The following ASCC3 variants were observed in gnomAD, a reference collection of about 807,000 sequenced individuals.
ASCC3 encodes ASC-1 complex subunit P200.
ASCC3 carries 158 observed loss-of-function variants against 256.3 expected under a neutral mutation model. The observed-to-expected ratio is 0.62, with a 90% CI of 0.54 to 0.70. The LOEUF (loss-of-function observed/expected upper bound fraction) is 0.70. Ranked by LOEUF, ASCC3 falls within the 30% of genes least tolerant of loss-of-function variation. The pLI is 0.00. For synonymous variants in ASCC3, 948 were observed against 883.4 expected (o/e 1.07, Z -1.30); for missense variants, 2,259 against 2,626.0 (o/e 0.86, Z 3.05).
chr6:100,558,299 G>A (rs1160517832), intron 36 of ASCC3, among the ~76,000 whole-genome samples: 1 of 152,052 alleles, frequency 6.6e-6, no homozygotes, highest in East Asian at 1.9e-4. Context: ...AACCCAAAGT[G>A]AAAAGCATTG....
At chr6:100,630,729 T>C (rs945645497) in intron 26 of ASCC3, among the ~76,000 whole-genome samples, 18 of 152,088 alleles carry the variant, frequency 1.2e-4, no homozygotes, top group Admixed American at 7.2e-4. Flanking sequence ...AAAGAACTTC[T>C]GCTTTTTTAC....
At chr6:100,530,761 T>C (rs1774830169) in intron 37 of ASCC3, 1 of 997,964 alleles carries the variant, frequency 1.0e-6, no homozygotes, top group East Asian at 2.4e-5. Flanking sequence ...CAGTTTACTT[T>C]TAATTTTGCA....
chr6:100,662,289 G>C, intron 15 of ASCC3, 56 bp downstream of exon 15: 5 of 1,553,188 alleles, frequency 3.2e-6, no homozygotes, highest in Non-Finnish European at 4.4e-6. Flanking sequence ...AGTCAACCCA[G>C]AGCCTTGCTT....
chr6:100,637,749 AG>A (rs1774915314), intron 25 of ASCC3, among the ~76,000 whole-genome samples: 2 of 152,158 alleles, frequency 1.3e-5, no homozygotes, highest in African/African-American at 4.8e-5. Flanking sequence ...CAATAGGGAA[AG>A]GCACTGCAGA....
intron 4 of ASCC3, among the ~76,000 whole-genome samples, chr6:100,838,191 G>C (rs1429011496): frequency 6.6e-6 from 1 of 151,980 alleles, no homozygotes; most frequent in Non-Finnish European, 1.5e-5. Flanking sequence ...CTTTCTTTGA[G>C]ATATGATGCA....
intron 10 of ASCC3, among the ~76,000 whole-genome samples, chr6:100,758,717 T>C (rs1781300087): frequency 6.6e-6 from 1 of 152,226 alleles, no homozygotes; most frequent in Non-Finnish European, 1.5e-5. Flanking sequence ...TGTGTCTTTA[T>C]AGTAGAATGA....
In ASCC3 at chr6:100,848,224, G is replaced by C; in HGVS notation, c.725C>G (p.Pro242Arg). The C allele has an allele frequency of 6.2e-7, 1 of 1,613,792 alleles. No individual in the cohort carries two copies. The highest frequency in any genetic ancestry group is 1.1e-5 in the South Asian group (1 of 91,004). Residue 242 changes from proline to arginine, a missense_variant, in exon 4 of 42, where the codon CCA becomes CGA. Coordinates refer to ENST00000369162, the MANE Select transcript of ASCC3 (RefSeq NM_006828.4). ...AGTACAGCAAAGATCTTCTACTCTT[G>C]GCACTTCAGTCATTTCCTTCAAAGT... ...NSTLKEMTEV[P>R]RVEDLCCTLY...
At chr6:100,710,040 C>T (rs6904959) in intron 13 of ASCC3, among the ~76,000 whole-genome samples, 69,090 of 151,862 alleles carry the variant, frequency 0.45, 15,931 homozygotes, top group South Asian at 0.61. Context: ...TCTTAGGGCA[C>T]GCATCTTAAA....
chr6:100,669,413 C>T (rs922640601), intron 14 of ASCC3, among the ~76,000 whole-genome samples: 1 of 150,618 alleles, frequency 6.6e-6, no homozygotes, highest in East Asian at 1.9e-4. Flanking sequence ...AAGAGATAGC[C>T]AGGATCCATA....
intron 13 of ASCC3, among the ~76,000 whole-genome samples, chr6:100,694,755 G>A (rs1220539400): frequency 1.3e-5 from 2 of 152,090 alleles, no homozygotes; most frequent in South Asian, 2.1e-4. Flanking sequence ...GATGTCCACA[G>A]AGTAAATTAT....
intron 8 of ASCC3, among the ~76,000 whole-genome samples, chr6:100,795,546 T>C (rs959081346): frequency 5.3e-5 from 8 of 152,090 alleles, no homozygotes; most frequent in Admixed American, 4.6e-4. Context: ...TGACTTAGAT[T>C]TCTAAGAGTT....
In ASCC3 at chr6:100,608,117, T is replaced by TATATATA. The variant is rs1562161146; in HGVS notation, c.4786-1030_4786-1029insTATATAT. ...ATATACACATATATATGTATATATA[T>TATATATA]CTATATATACATATATATGTATATA... On this transcript the variant is annotated intron_variant, in intron 30 of 41. Transcript: ENST00000369162. Among the ~76,000 whole-genome samples, 88 of 47,880 alleles carry TATATATA rather than the reference T, an allele frequency of 1.8e-3. 2 individuals are homozygous for TATATATA. The highest frequency in any genetic ancestry group is 6.3e-3 in the African/African-American group (87 of 13,830). 31.4% of individuals were successfully genotyped at this position (47,880 alleles called of 152,430 possible). A position where few individuals can be genotyped will look rare whatever the true frequency, so the allele number is the denominator to read the frequency against.
At chr6:100,865,168 T>A (rs1773418693) in intron 2 of ASCC3, among the ~76,000 whole-genome samples, 2 of 152,186 alleles carry the variant, frequency 1.3e-5, no homozygotes, top group Non-Finnish European at 2.9e-5. Flanking sequence ...ATGAATTAAG[T>A]TGTTACAATG....
chr6:100,582,248 G>A (rs9377058), intron 36 of ASCC3, among the ~76,000 whole-genome samples: 2 of 151,386 alleles, frequency 1.3e-5, no homozygotes, highest in Non-Finnish European at 1.5e-5. Flanking sequence ...TGTTTGTATC[G>A]TCTTTTATTT....
At chr6:100,547,329 G>C (rs1343200977) in intron 36 of ASCC3, among the ~76,000 whole-genome samples, 2 of 151,732 alleles carry the variant, frequency 1.3e-5, no homozygotes, top group African/African-American at 4.8e-5. Context: ...TTTATTTGAT[G>C]GGACAGTTAA....
intron 8 of ASCC3, among the ~76,000 whole-genome samples, chr6:100,771,966 G>A (rs952965719): frequency 7.5e-5 from 10 of 133,870 alleles, no homozygotes; most frequent in Non-Finnish European, 1.4e-4. Flanking sequence ...TGCAAGCTCT[G>A]CCTCCCAGGT....
chr6:100,743,202 C>G (rs1430041237), intron 10 of ASCC3, among the ~76,000 whole-genome samples: 1 of 152,158 alleles, frequency 6.6e-6, no homozygotes. Flanking sequence ...TGGCTCTGTG[C>G]CACTCTTGGG....
intron 10 of ASCC3, among the ~76,000 whole-genome samples, chr6:100,754,630 T>C (rs1326650043): frequency 1.3e-5 from 2 of 152,266 alleles, no homozygotes; most frequent in Non-Finnish European, 2.9e-5. Flanking sequence ...CTAGTAACTA[T>C]TGTACTACTC....
chr6:100,539,247 T>A (rs1775320105), intron 37 of ASCC3, among the ~76,000 whole-genome samples: 1 of 152,212 alleles, frequency 6.6e-6, no homozygotes, highest in African/African-American at 2.4e-5. Context: ...ATATTGCAAC[T>A]AATCTTCAAG....
Sources: allele counts gnomAD v4.1 joint callset (sites outside exome capture counted in the v4.1 genomes callset), GRCh38; gene constraint gnomAD v4.1.1; transcripts MANE v1.5; gene names NCBI Gene and HGNC (gene_info 2026-07-23, HGNC 2026-07-21).